JAK2: variants seen among roughly 807,000 people sequenced by gnomAD.
JAK2 encodes the protein tyrosine-protein kinase JAK2.
JAK2 carries 86 observed loss-of-function variants against 139.3 expected under a neutral mutation model. That is an observed-to-expected ratio of 0.62 (90% confidence interval 0.52 to 0.74). The LOEUF (loss-of-function observed/expected upper bound fraction) is 0.74. JAK2 is among the 30% of genes least tolerant of loss of function. The pLI is 0.00. For synonymous variants in JAK2, 490 were observed against 437.7 expected, an observed-to-expected ratio of 1.12 and a Z score of -1.49; for missense variants, 1,421 against 1,360.3, an observed-to-expected ratio of 1.04 and a Z score of -0.70.
chr9:5,043,995 G>T (rs1816813508), intron 4 of JAK2, among the ~76,000 whole-genome samples: 1 of 152,150 alleles, frequency 6.6e-6, no homozygotes, highest in Non-Finnish European at 1.5e-5. Context: ...AATATAGAGT[G>T]TTCTTTGTTT....
At chr9:4,998,481 T>G (rs1251453740) in intron 2 of JAK2, among the ~76,000 whole-genome samples, 1 of 152,158 alleles carries the variant, frequency 6.6e-6, no homozygotes, top group Non-Finnish European at 1.5e-5. Flanking sequence ...GGTCTCGAAC[T>G]CCTGACCTCG....
At chr9:5,005,048 TTGGGACTGCAG>T (rs1821190986) in intron 2 of JAK2, among the ~76,000 whole-genome samples, 1 of 145,902 alleles carries the variant, frequency 6.9e-6, no homozygotes, top group African/African-American at 2.5e-5. Context: ...TCTTGAGTAG[TTGGGACTGCAG>T]GCATGTGCCA....
rs560610173 is a variant in JAK2, at chr9:5,127,840, T to C, written c.*1049T>C. 6.4e-5 allele frequency: 15 copies of C among 232,600 alleles called. No homozygotes were observed. The East Asian group carries it at 7.2e-4, about 11-fold the overall frequency. The allele number at this position is 232,600 out of a possible 1,614,324, so 14.4% of individuals were successfully genotyped here. On this transcript the variant is annotated 3_prime_UTR_variant, in exon 25 of 25. Coordinates refer to ENST00000381652, the MANE Select transcript of JAK2 (RefSeq NM_004972.4). ...ATTTGAGGGGTTTCAGAATTTTGCA[T>C]TGCAGTCATAGAAGAGATTTATTTC...
intron 13 of JAK2, among the ~76,000 whole-genome samples, chr9:5,073,431 C>A (rs886789733): frequency 1.3e-5 from 2 of 152,124 alleles, no homozygotes; most frequent in African/African-American, 4.8e-5. Context: ...ATGGGTCAAG[C>A]CTGTTTGACT....
chr9:5,030,003 C>G (rs912389883), intron 4 of JAK2, 97 bp downstream of exon 4: 3 of 1,012,444 alleles, frequency 3.0e-6, no homozygotes, highest in African/African-American at 1.6e-5. Flanking sequence ...ATACCAGATA[C>G]CTGAACCAAT....
intron 2 of JAK2, among the ~76,000 whole-genome samples, chr9:5,000,360 A>G (rs1820859730): frequency 6.6e-6 from 1 of 152,220 alleles, no homozygotes; most frequent in African/African-American, 2.4e-5. Context: ...CGAATGTGTA[A>G]GGAGACCAGT....
intron 12 of JAK2, among the ~76,000 whole-genome samples, chr9:5,072,174 A>C (rs1192522012): frequency 6.6e-6 from 1 of 152,188 alleles, no homozygotes; most frequent in East Asian, 1.9e-4. Context: ...AGGCAAAGAA[A>C]ATGATTCCCA....
At chr9:5,052,334 G>A (rs1053130413) in intron 6 of JAK2, among the ~76,000 whole-genome samples, 1 of 151,972 alleles carries the variant, frequency 6.6e-6, no homozygotes, top group Non-Finnish European at 1.5e-5. Context: ...TGACTATTTA[G>A]TAACTATTTA....
intron 4 of JAK2, among the ~76,000 whole-genome samples, chr9:5,043,404 A>C (rs572325309): frequency 3.9e-5 from 6 of 152,354 alleles, no homozygotes; most frequent in Admixed American, 6.5e-5. Flanking sequence ...ACGATGGGAT[A>C]ATAATAGGTC....
chr9:5,085,568 T>G, intron 19 of JAK2: 1 of 691,280 alleles, frequency 1.4e-6, no homozygotes, highest in Non-Finnish European at 2.7e-6. Context: ...ACAGCTGTAT[T>G]TCCAGTTTGT....
chr9:5,024,264 A>AT (rs967574313), intron 3 of JAK2, among the ~76,000 whole-genome samples: 3 of 151,306 alleles, frequency 2.0e-5, no homozygotes, highest in Admixed American at 2.0e-4. Context: ...TCAAAAAAAA[A>AT]TTTTTTTTTG....
chr9:5,112,590 C>A, intron 22 of JAK2: 2 of 744,406 alleles, frequency 2.7e-6, no homozygotes, highest in Non-Finnish European at 2.2e-6. Flanking sequence ...CTTAAGAGGG[C>A]TCTTAAGGAG....
rs1010809591 is a variant in JAK2, at chr9:5,061,013, A to C, written c.1057-3870A>C. 2.6e-5 allele frequency among the ~76,000 whole-genome samples: 4 copies of C among 152,204 alleles called. No homozygotes were observed. The East Asian group carries it at 7.7e-4, about 29-fold the overall frequency. On this transcript the variant is annotated intron_variant, in intron 8 of 24. Coordinates refer to ENST00000381652, the MANE Select transcript of JAK2 (RefSeq NM_004972.4). ...CGCTTGGGTGACCAGGTGCGTTGTCAATGAGAGTAATACTTTGAAAGCAAT... is the reference window on the plus strand; with the variant it reads ...CGCTTGGGTGACCAGGTGCGTTGTCCATGAGAGTAATACTTTGAAAGCAAT...
chr9:5,054,787 C>G lies in JAK2; in HGVS notation c.839C>G (p.Ser280Ter), dbSNP rs1293103784. 1.2e-6 allele frequency: 2 copies of G among 1,613,050 alleles called. No individual in the cohort carries two copies. The highest frequency in any genetic ancestry group is 1.7e-6 in the Non-Finnish European group (2 of 1,179,284). Reference protein sequence around the residue: ...FEVKEPGSGPSGEEIFATIII... With the variant: ...FEVKEPGSGP ...GTAAAAGAACCTGGAAGTGGTCCTT[C>G]AGGTGAGGAGATTTTTGCAACCATT... The change falls in exon 7 of 25, where the codon TCA (serine) becomes TGA (stop). Residue 280 changes from serine (S) to a stop codon, truncating the protein, a stop_gained. Transcript: ENST00000381652. LOFTEE classifies it high-confidence loss of function. The surrounding 1 kb of genome is among the most constrained non-coding windows in gnomAD (Gnocchi z 4.9).
chr9:5,113,452 C>CT (rs1822835529), intron 22 of JAK2: 1 of 144,300 alleles, frequency 6.9e-6, no homozygotes, highest in South Asian at 2.2e-4. Flanking sequence ...AAAAAAAACC[C>CT]GGACTGACCT....
intron 11 of JAK2, 99 bp from the exon 12 acceptor site, chr9:5,069,826 A>G: frequency 1.6e-6 from 1 of 616,052 alleles, no homozygotes; most frequent in Non-Finnish European, 2.5e-6. Context: ...GTTATTAAGC[A>G]TTTCTTATAC....
At position 5,054,862 on chromosome 9, in the gene JAK2, A is replaced by C. The variant is rs1447845301; in HGVS notation, c.914A>C (p.Glu305Ala). The C allele has an allele frequency of 6.2e-7, 1 of 1,605,158 alleles. No individual in the cohort carries two copies. Among genetic ancestry groups the C allele is most frequent in the Non-Finnish European group, 8.5e-7 (1 of 1,175,810 alleles). Reference protein sequence around the residue: ...GIQWSRGKHKESETLTEQDLQ... With the variant: ...GIQWSRGKHKASETLTEQDLQ... ...CAGTGGTCAAGAGGGAAACATAAAGAAAGTGAGACACTGACAGAACAGGTA... is the reference window on the plus strand; with the variant it reads ...CAGTGGTCAAGAGGGAAACATAAAGCAAGTGAGACACTGACAGAACAGGTA... The change falls in exon 7 of 25, where the codon GAA becomes GCA. Residue 305 changes from glutamate to alanine, a missense_variant. Physicochemically the swap from Glu to Ala is moderately radical, Grantham distance 107. Coordinates refer to ENST00000381652, the MANE Select transcript of JAK2 (RefSeq NM_004972.4). The surrounding 1 kb of genome is among the most constrained non-coding windows in gnomAD (Gnocchi z 4.9).
At chr9:5,022,538 A>G (rs1822497618) in intron 3 of JAK2, among the ~76,000 whole-genome samples, 1 of 152,262 alleles carries the variant, frequency 6.6e-6, no homozygotes, top group African/African-American at 2.4e-5. Flanking sequence ...TGAGAGCAAC[A>G]TGAAAGCAAA....
At chr9:5,049,597 G>A (rs1817272150) in intron 5 of JAK2, among the ~76,000 whole-genome samples, 1 of 152,164 alleles carries the variant, frequency 6.6e-6, no homozygotes, top group African/African-American at 2.4e-5. Flanking sequence ...CCTATATCAT[G>A]TCTGGTGTTA....
Sources: allele counts gnomAD v4.1 joint callset (sites outside exome capture counted in the v4.1 genomes callset), GRCh38; gene constraint gnomAD v4.1.1; non-coding constraint Gnocchi (gnomAD v3.1); transcripts MANE v1.5; gene names NCBI Gene and HGNC (gene_info 2026-07-23, HGNC 2026-07-21).